ABCC1: variants seen among roughly 807,000 people sequenced by gnomAD.
ABCC1 encodes multidrug resistance-associated protein 1.
ABCC1 carries 83 observed loss-of-function variants against 172.9 expected under a neutral mutation model. The observed-to-expected ratio is 0.48, with a 90% confidence interval of 0.40 to 0.58. The LOEUF is 0.58. Ranked by LOEUF, ABCC1 falls within the 20% of genes least tolerant of loss-of-function variation. ABCC1 has a pLI of 0.00. For synonymous variants in ABCC1, 937 were observed against 825.2 expected, an observed-to-expected ratio of 1.14 and a Z score of -2.32; for missense variants, 1,817 against 2,002.7, an observed-to-expected ratio of 0.91 and a Z score of 1.77.
In ABCC1 at chr16:16,097,162, G is replaced by A. The variant is rs1218478385; in HGVS notation, c.2645-5465G>A. Among the ~76,000 whole-genome samples, 3 of 152,254 alleles carry A rather than the reference G, an allele frequency of 2.0e-5. No individual in the cohort carries two copies. The South Asian group carries it at 6.2e-4, about 32-fold the overall frequency. On this transcript the variant is annotated intron_variant, in intron 19 of 30. Coordinates refer to ENST00000399410, the MANE Select transcript of ABCC1 (RefSeq NM_004996.4). ...GAGTCTCACGCTGTTGCCCAGGCTGGAGTGCAATGGTGCAATCTCGGCTCA... is the reference window on the plus strand; with the variant it reads ...GAGTCTCACGCTGTTGCCCAGGCTGAAGTGCAATGGTGCAATCTCGGCTCA...
At chr16:16,084,507 G>GC (rs2050932325) in intron 17 of ABCC1, among the ~76,000 whole-genome samples, 1 of 146,106 alleles carries the variant, frequency 6.8e-6, no homozygotes, top group Middle Eastern at 3.8e-3. Flanking sequence ...GGGACTACAG[G>GC]CCCCTGCCAC....
At chr16:16,041,282 A>G (rs543233886) in intron 7 of ABCC1, among the ~76,000 whole-genome samples, 8 of 152,210 alleles carry the variant, frequency 5.3e-5, no homozygotes, top group African/African-American at 1.7e-4. Context: ...AGTGAGATAT[A>G]TGATATGATA....
chr16:16,036,869 G>C (rs565863132), intron 7 of ABCC1, among the ~76,000 whole-genome samples: 22 of 152,314 alleles, frequency 1.4e-4, no homozygotes, highest in Admixed American at 9.2e-4. Context: ...ACTTTGGGAG[G>C]CCAAGGCAGG....
At chr16:16,125,213 G>T (rs1474064979) in intron 25 of ABCC1, among the ~76,000 whole-genome samples, 1 of 152,182 alleles carries the variant, frequency 6.6e-6, no homozygotes, top group African/African-American at 2.4e-5. Context: ...AACTGCTTTA[G>T]CTGCATCTCA....
chr16:16,039,550 T>C (rs1376303152), intron 7 of ABCC1, among the ~76,000 whole-genome samples: 2 of 152,080 alleles, frequency 1.3e-5, no homozygotes, highest in Non-Finnish European at 2.9e-5. Flanking sequence ...ATTACAGGCA[T>C]GAGCTACTGT....
chr16:16,088,820 C>T (rs2051123333), intron 18 of ABCC1, among the ~76,000 whole-genome samples: 1 of 152,072 alleles, frequency 6.6e-6, no homozygotes, highest in Non-Finnish European at 1.5e-5. Flanking sequence ...AATCCTCCTG[C>T]CTTCTGAGTA....
Position 16,007,993 on chromosome 16 carries a change from G to GT in ABCC1, c.225+2dup. 1.3e-6 allele frequency: 1 copy of GT among 773,974 alleles called. No homozygotes were observed. Among genetic ancestry groups the GT allele is most frequent in the Non-Finnish European group, 2.0e-6 (1 of 504,126 alleles). 47.9% of individuals were successfully genotyped at this position (773,974 alleles called of 1,614,324 possible). A position where few individuals can be genotyped will look rare whatever the true frequency, so the allele number is the denominator to read the frequency against. On this transcript the variant is annotated splice_donor_variant, in intron 2 of 30. Coordinates refer to ENST00000399410, the MANE Select transcript of ABCC1 (RefSeq NM_004996.4). LOFTEE classifies it high-confidence loss of function. ...GACACCTCTCAACAAAACCAAAACT[G>GT]TAAGTCACTGGGGGGTTTCGTTGTG...
intron 20 of ABCC1, chr16:16,106,380 CTT>C (rs201300893): frequency 8.4e-4 from 111 of 132,672 alleles, no homozygotes; most frequent in Non-Finnish European, 1.2e-3. Context: ...CTTTTATTGG[CTT>C]TTTTTTTTTT....
intron 10 of ABCC1, among the ~76,000 whole-genome samples, chr16:16,050,654 A>G (rs1597175283): frequency 7.1e-6 from 1 of 141,242 alleles, no homozygotes; most frequent in African/African-American, 2.6e-5. Flanking sequence ...GCACTTTGGG[A>G]GGCTGAGGTG....
At chr16:15,958,654 AAATT>A (rs1223612179) in intron 1 of ABCC1, among the ~76,000 whole-genome samples, 6 of 152,172 alleles carry the variant, frequency 3.9e-5, no homozygotes, top group Non-Finnish European at 8.8e-5. Flanking sequence ...CATTTTGCCA[AAATT>A]AATTAATGGC....
At position 16,007,985 on chromosome 16, in the gene ABCC1, C is replaced by T. The variant is rs41494447; in HGVS notation, c.218C>T (p.Thr73Ile). 2.1e-4 allele frequency: 328 copies of T among 1,571,442 alleles called. 4 individuals carry two copies. In the East Asian group the frequency reaches 5.9e-3, roughly 28 times the overall value. The change falls in exon 2 of 31, where the codon ACC becomes ATC. Residue 73 changes from threonine to isoleucine, a missense_variant. Thr to Ile is a moderately conservative substitution (Grantham distance 89, BLOSUM62 -1). Around this residue, in one of 3 missense-constraint regions of ABCC1, gnomAD observed 398 missense variants for 384.2 expected, o/e 1.04. Coordinates refer to ENST00000399410, the MANE Select transcript of ABCC1 (RefSeq NM_004996.4). ...ATTCAGATGACACCTCTCAACAAAA[C>T]CAAAACTGTAAGTCACTGGGGGGTT... ...GYIQMTPLNKTKTALGFLLWI... is the reference protein window; with the variant it reads ...GYIQMTPLNKIKTALGFLLWI...
intron 20 of ABCC1, among the ~76,000 whole-genome samples, chr16:16,104,419 C>G (rs758687800): frequency 2.1e-4 from 32 of 152,296 alleles, no homozygotes; most frequent in Non-Finnish European, 4.1e-4. Context: ...CACATCCCCA[C>G]TAGATTAGCT....
At chr16:15,950,594 C>T (rs920631905) in intron 1 of ABCC1, among the ~76,000 whole-genome samples, 11 of 152,212 alleles carry the variant, frequency 7.2e-5, no homozygotes, top group Non-Finnish European at 1.3e-4. Context: ...CGGAGCCTGA[C>T]TGGGTGTCTG....
At chr16:15,982,622 C>G (rs1199383240) in intron 1 of ABCC1, among the ~76,000 whole-genome samples, 1 of 142,352 alleles carries the variant, frequency 7.0e-6, no homozygotes, top group Non-Finnish European at 1.5e-5. Flanking sequence ...GGGGACACAG[C>G]CAAGCCATAT....
chr16:15,952,290 G>A (rs45592841), intron 1 of ABCC1, among the ~76,000 whole-genome samples: 1,534 of 152,206 alleles, frequency 0.01, 14 homozygotes, highest in Non-Finnish European at 0.015. Context: ...TCTTCCTTTG[G>A]ATTCCCCTTT....
Position 16,122,066 on chromosome 16 carries a change from G to C in ABCC1, c.3482G>C (p.Gly1161Ala). The part of the protein sequence containing the change: ...VYSHFNETLL[G>A]VSVIRAFEEQ... Reference sequence around the variant, plus strand: ...TCCCATTTCAACGAGACCTTGCTGGGGGTCAGCGTCATTCGAGCCTTCGAG... The same window carrying C: ...TCCCATTTCAACGAGACCTTGCTGGCGGTCAGCGTCATTCGAGCCTTCGAG... The change falls in exon 24 of 31, where the codon GGG (glycine) becomes GCG (alanine). Residue 1161 changes from glycine (G) to alanine (A), a missense_variant. This residue lies in a region of ABCC1 where 1,412 missense variants were observed against 1,600.3 expected (regional missense o/e 0.88). Transcript: ENST00000399410. The C allele has an allele frequency of 6.2e-7, 1 of 1,614,200 alleles. No homozygotes were observed. The highest frequency in any genetic ancestry group is 2.2e-5 in the East Asian group (1 of 44,884).
chr16:15,949,844 C>A, intron 1 of ABCC1, 45 bp downstream of exon 1: 1 of 1,187,982 alleles, frequency 8.4e-7, no homozygotes, highest in Non-Finnish European at 1.0e-6. Context: ...GGAGGGAGGC[C>A]GGCGGGGAGG....
At chr16:15,976,696 G>T (rs951739361) in intron 1 of ABCC1, among the ~76,000 whole-genome samples, 8 of 152,180 alleles carry the variant, frequency 5.3e-5, no homozygotes, top group African/African-American at 1.9e-4. Context: ...TACTCCAACA[G>T]TGATGATGAC....
intron 1 of ABCC1, among the ~76,000 whole-genome samples, chr16:15,999,530 G>A (rs1350754642): frequency 3.3e-5 from 5 of 151,602 alleles, no homozygotes; most frequent in African/African-American, 7.2e-5. Context: ...CAGGAGACTC[G>A]TTTGAACCCG....
Sources: allele counts gnomAD v4.1 joint callset (sites outside exome capture counted in the v4.1 genomes callset), GRCh38; gene constraint gnomAD v4.1.1; regional missense constraint gnomAD v4.1.1; transcripts MANE v1.5; gene names NCBI Gene and HGNC (gene_info 2026-07-23, HGNC 2026-07-21).